RBFOX1: variants seen among roughly 807,000 people sequenced by gnomAD.
RBFOX1 encodes RNA binding protein fox-1 homolog 1.
RBFOX1 carries 8 observed loss-of-function variants against 57.7 expected under a neutral mutation model. The observed-to-expected ratio is 0.14, with a 90% CI of 0.08 to 0.25. The LOEUF (loss-of-function observed/expected upper bound fraction) is 0.25. RBFOX1 is among the 10% of genes least tolerant of loss of function. The pLI, the probability that RBFOX1 is intolerant of heterozygous loss-of-function variation, is 1.00. For synonymous variants in RBFOX1, 326 were observed against 222.4 expected, an observed-to-expected ratio of 1.47 and a Z score of -4.15; for missense variants, 611 against 548.5, an observed-to-expected ratio of 1.11 and a Z score of -1.14.
intron 3 of RBFOX1, among the ~76,000 whole-genome samples, chr16:6,763,109 C>G (rs1450766135): frequency 6.6e-6 from 1 of 152,214 alleles, no homozygotes; most frequent in African/African-American, 2.4e-5. Context: ...TGTCAGACCA[C>G]TGTCTCCTCC....
chr16:5,623,444 C>T (rs2048257088), intron 3 of RBFOX1, among the ~76,000 whole-genome samples: 1 of 152,112 alleles, frequency 6.6e-6, no homozygotes, highest in Non-Finnish European at 1.5e-5. Flanking sequence ...AGTGGGAGAA[C>T]ACTCATAATC....
At chr16:5,701,728 C>G (rs1422105533) in intron 3 of RBFOX1, among the ~76,000 whole-genome samples, 1 of 152,228 alleles carries the variant, frequency 6.6e-6, no homozygotes, top group Non-Finnish European at 1.5e-5. Flanking sequence ...GCCACCACAT[C>G]TGGCCAAGGT....
chr16:7,624,276 G>C (rs910147210), intron 10 of RBFOX1, among the ~76,000 whole-genome samples: 10 of 152,268 alleles, frequency 6.6e-5, no homozygotes, highest in African/African-American at 2.2e-4. Context: ...TAAACTTTCA[G>C]TTATGATAGA....
intron 1 of RBFOX1, among the ~76,000 whole-genome samples, chr16:5,277,443 T>C (rs1354439416): frequency 1.4e-5 from 2 of 141,596 alleles, no homozygotes; most frequent in African/African-American, 2.7e-5. Context: ...CTAAAAACTA[T>C]TGAAATAAAA....
At chr16:6,401,685 G>T (rs1444684799) in intron 2 of RBFOX1, among the ~76,000 whole-genome samples, 1 of 152,140 alleles carries the variant, frequency 6.6e-6, no homozygotes, top group East Asian at 1.9e-4. Context: ...GCTGTTCCCA[G>T]AGTGACTCCA....
chr16:6,725,712 C>T (rs78971598), intron 3 of RBFOX1, among the ~76,000 whole-genome samples: 5 of 152,086 alleles, frequency 3.3e-5, no homozygotes, highest in Non-Finnish European at 7.4e-5. Flanking sequence ...TTCTAAAACT[C>T]TATATTCAGG....
intron 3 of RBFOX1, among the ~76,000 whole-genome samples, chr16:5,852,014 G>A (rs912911831): frequency 2.0e-5 from 3 of 152,094 alleles, no homozygotes; most frequent in East Asian, 1.9e-4. Flanking sequence ...TTTTAAAATC[G>A]GGGACAATGA....
chr16:6,158,162 G>T (rs2096851863), intron 1 of RBFOX1, among the ~76,000 whole-genome samples: 1 of 152,176 alleles, frequency 6.6e-6, no homozygotes, highest in Non-Finnish European at 1.5e-5. Flanking sequence ...GTCCACTTTA[G>T]TCACTAGGTA....
intron 3 of RBFOX1, among the ~76,000 whole-genome samples, chr16:6,900,555 C>T (rs1304171907): frequency 6.6e-6 from 1 of 152,186 alleles, no homozygotes. Flanking sequence ...TCTCCCCTTA[C>T]TCATTATTTC....
At chr16:6,153,737 T>G (rs8061966) in intron 1 of RBFOX1, among the ~76,000 whole-genome samples, 43,468 of 151,938 alleles carry the variant, frequency 0.29, 7,980 homozygotes, top group Non-Finnish European at 0.41. Flanking sequence ...GGTTTCACCA[T>G]GTTGGCCAGG....
chr16:6,938,313 G>A (rs1349868531), intron 3 of RBFOX1, among the ~76,000 whole-genome samples: 1 of 152,128 alleles, frequency 6.6e-6, no homozygotes, highest in East Asian at 1.9e-4. Context: ...CACAAGGAAA[G>A]TAAAAATAGT....
intron 2 of RBFOX1, among the ~76,000 whole-genome samples, chr16:6,395,586 T>C (rs1567186243): frequency 6.7e-6 from 1 of 150,320 alleles, no homozygotes; most frequent in Non-Finnish European, 1.5e-5. Context: ...TATAATTATA[T>C]ACAGAGTTAT....
intron 1 of RBFOX1, among the ~76,000 whole-genome samples, chr16:6,239,718 T>C (rs2097530159): frequency 6.6e-6 from 1 of 152,024 alleles, no homozygotes; most frequent in Non-Finnish European, 1.5e-5. Context: ...AGGCTGGTCT[T>C]GAACTCCTGA....
At chr16:6,089,078 A>AAATAT (rs1555503294) in intron 1 of RBFOX1, among the ~76,000 whole-genome samples, 8 of 137,718 alleles carry the variant, frequency 5.8e-5, no homozygotes, top group African/African-American at 2.2e-4. Flanking sequence ...AAAAAAAAAA[A>AAATAT]ATATATATAT....
intron 3 of RBFOX1, among the ~76,000 whole-genome samples, chr16:5,780,140 C>A (rs533443576): frequency 8.5e-5 from 13 of 152,266 alleles, no homozygotes; most frequent in African/African-American, 2.6e-4. Flanking sequence ...GTAGATGGGA[C>A]TACAAGTGCG....
rs144229822 is a variant in RBFOX1 at position 5,382,371 on chromosome 16, A to T, written c.220-84845A>T. 8.7e-5 allele frequency among the ~76,000 whole-genome samples: 13 copies of T among 148,940 alleles called. No homozygotes were observed. The East Asian group carries it at 2.6e-3, about 29-fold the overall frequency. The stretch of plus-strand genomic sequence containing the variant: ...TTACCACTTGTTTGCATTTAGTGCT[A>T]TGAAATCATGCCATTTTCATCTTTT... On this transcript the variant is annotated intron_variant, in intron 1 of 2. Coordinates refer to the RBFOX1 transcript ENST00000585867.
At chr16:6,534,257 ATGTGTGTGTGTGTG>A (rs143116379) in intron 2 of RBFOX1, among the ~76,000 whole-genome samples, 1 of 149,348 alleles carries the variant, frequency 6.7e-6, no homozygotes, top group Non-Finnish European at 1.5e-5. Context: ...ATCAGTGTGT[ATGTGTGTGTGTGTG>A]TGTGTGTGCA....
chr16:6,524,037 A>T lies in RBFOX1; in HGVS notation c.-63-130566A>T, dbSNP rs185032864. Among the ~76,000 whole-genome samples the T allele has an allele frequency of 3.9e-5, 6 of 152,288 alleles. No individual in the cohort carries two copies. The East Asian group carries it at 5.8e-4, about 15-fold the overall frequency. ...AATTACACTCTTTATTTTAAAATGT[A>T]CAGGTAAGTTATTATTGAGTATAGT... On this transcript the variant is annotated intron_variant, in intron 2 of 15. Coordinates refer to ENST00000550418, the MANE Select transcript of RBFOX1 (RefSeq NM_018723.4).
chr16:5,565,285 G>A (rs118138105), intron 2 of RBFOX1, among the ~76,000 whole-genome samples: 1,884 of 152,226 alleles, frequency 0.012, 21 homozygotes, highest in Non-Finnish European at 0.018. Context: ...GTGCACGTGC[G>A]TGCGTGTGTT....
Sources: gnomAD v4.1 joint callset for allele counts (sites outside exome capture counted in the v4.1 genomes callset) on GRCh38, gnomAD v4.1.1 for gene constraint, MANE v1.5 for transcripts, NCBI Gene and HGNC (gene_info 2026-07-23, HGNC 2026-07-21) for gene names.